The following MYCBP2 variants were observed in gnomAD, a reference collection of about 807,000 sequenced individuals.
MYCBP2 encodes E3 ubiquitin-protein ligase MYCBP2.
A neutral mutation model predicts 525.3 loss-of-function variants in MYCBP2; 120 were observed. The observed-to-expected ratio is 0.23, with a 90% confidence interval of 0.20 to 0.27. MYCBP2 has a LOEUF of 0.27. Among genes scored for constraint, MYCBP2 ranks in the 10% least tolerant of loss-of-function variants. The pLI is 1.00. For synonymous variants in MYCBP2, 1,894 were observed against 1,955.8 expected (o/e 0.97, Z 0.83); for missense variants, 4,149 against 5,657.1 (o/e 0.73, Z 8.55).
intron 28 of MYCBP2, among the ~76,000 whole-genome samples, 199 bp from the exon 29 acceptor site, chr13:77,190,534 G>A (rs1395564462): frequency 6.6e-6 from 1 of 152,152 alleles, no homozygotes; most frequent in African/African-American, 2.4e-5. Context: ...AACGTGATTA[G>A]GACTCCTAAA....
rs2063389527 is a variant in MYCBP2 at position 77,206,765 on chromosome 13, A to G, written c.3477T>C (p.Leu1159=). ...CYNAVVADAR[L]PSAADMQSRC... ...TGGACTGCATGTCTGCTGCAGAGGG[A>G]AGCCTGGCATCAGCAACCACCGCAT... Residue 1159 remains leucine (L), a synonymous_variant, in exon 24 of 83, where the codon CTT becomes CTC. Transcript: ENST00000544440. The G allele has an allele frequency of 6.2e-7, 1 of 1,611,202 alleles. No individual in the cohort carries two copies. The highest frequency in any genetic ancestry group is 8.5e-7 in the Non-Finnish European group (1 of 1,178,272).
intron 68 of MYCBP2, among the ~76,000 whole-genome samples, chr13:77,072,581 GGAAAATCAAT>G (rs2041571544): frequency 6.6e-6 from 1 of 151,870 alleles, no homozygotes; most frequent in Non-Finnish European, 1.5e-5. Context: ...CAAAAATAGA[GGAAAATCAAT>G]GAAACAAAAA....
At chr13:77,155,330 A>G (rs1489258211) in intron 46 of MYCBP2, among the ~76,000 whole-genome samples, 1 of 152,150 alleles carries the variant, frequency 6.6e-6, no homozygotes, top group African/African-American at 2.4e-5. Flanking sequence ...AGCAAAAAGG[A>G]TTTTGTGGCT....
At chr13:77,191,235 T>C (rs1214373139) in intron 28 of MYCBP2, among the ~76,000 whole-genome samples, 1 of 152,240 alleles carries the variant, frequency 6.6e-6, no homozygotes, top group Non-Finnish European at 1.5e-5. Context: ...ACGTGAAAGT[T>C]ATTTTAAAAC....
At position 77,176,493 on chromosome 13, in the gene MYCBP2, C is replaced by T. The variant is rs2059717647; in HGVS notation, c.5472+4G>A. On this transcript the variant is annotated splice_donor_region_variant and intron_variant, in intron 36 of 82. Transcript: ENST00000544440. ...TCACAATAGAAACATTCAGTTGAAA[C>T]TACCTTTAAAGGAACCACTTTGTCA... 1.3e-6 allele frequency: 2 copies of T among 1,572,960 alleles called. No individual in the cohort carries two copies. Among genetic ancestry groups the T allele is most frequent in the Admixed American group, 1.7e-5 (1 of 57,934 alleles).
chr13:77,053,160 T>C (rs2154058144), intron 80 of MYCBP2, among the ~76,000 whole-genome samples: 1 of 151,718 alleles, frequency 6.6e-6, no homozygotes, highest in East Asian at 1.9e-4. Context: ...AAGGCAAATT[T>C]GATAATTCTG....
intron 75 of MYCBP2, 150 bp from the exon 76 acceptor site, chr13:77,061,451 C>T (rs2154072339): frequency 2.2e-6 from 2 of 901,958 alleles, no homozygotes; most frequent in East Asian, 2.8e-5. Flanking sequence ...TTAATCTTCA[C>T]AGCAGTCCCT....
chr13:77,068,974 A>G, intron 69 of MYCBP2, 143 bp from the exon 70 acceptor site: 2 of 746,478 alleles, frequency 2.7e-6, no homozygotes, highest in South Asian at 1.8e-5. Flanking sequence ...ATTCTCCATC[A>G]TATGTCATTC....
At chr13:77,188,911 A>G in intron 30 of MYCBP2, 40 bp downstream of exon 30, 1 of 1,354,842 alleles carries the variant, frequency 7.4e-7, no homozygotes, top group South Asian at 1.3e-5. Context: ...GTATCTGAGG[A>G]CTGAAGAGAA....
intron 51 of MYCBP2, among the ~76,000 whole-genome samples, chr13:77,139,597 T>A (rs1316220845): frequency 2.0e-5 from 3 of 152,196 alleles, no homozygotes; most frequent in Non-Finnish European, 4.4e-5. Context: ...CACTTTAAGA[T>A]ACATAAACAG....
rs1350704432 is a variant in MYCBP2 at position 77,257,656 on chromosome 13, G to C, written c.2176+15C>G. 6.5e-7 allele frequency: 1 copy of C among 1,527,210 alleles called. No homozygotes were observed. Among genetic ancestry groups the C allele is most frequent in the South Asian group, 1.3e-5 (1 of 74,206 alleles). 94.6% of individuals were successfully genotyped at this position (1,527,210 alleles called of 1,614,324 possible). A position where few individuals can be genotyped will look rare whatever the true frequency, so the allele number is the denominator to read the frequency against. ...AGACAACACAAATTTTAATATCTAA[G>C]AATTAAAGACCTACCTTTCCCACCT... On this transcript the variant is annotated intron_variant, in intron 14 of 82. Coordinates refer to ENST00000544440, the MANE Select transcript of MYCBP2 (RefSeq NM_015057.5).
chr13:77,298,535 G>T (rs576353157), intron 1 of MYCBP2, among the ~76,000 whole-genome samples: 1 of 152,204 alleles, frequency 6.6e-6, no homozygotes, highest in Non-Finnish European at 1.5e-5. Context: ...TATTTTAAGA[G>T]AAAGAGAAAG....
chr13:77,175,667 T>C (rs2154238981), intron 36 of MYCBP2, among the ~76,000 whole-genome samples: 1 of 152,282 alleles, frequency 6.6e-6, no homozygotes, highest in African/African-American at 2.4e-5. Flanking sequence ...TGCCAAATAT[T>C]GTTAGGAAAT....
chr13:77,133,078 C>T (rs1488153723), intron 52 of MYCBP2, among the ~76,000 whole-genome samples: 1 of 152,106 alleles, frequency 6.6e-6, no homozygotes, highest in Non-Finnish European at 1.5e-5. Context: ...ATTATTACAG[C>T]TATAGTTGCT....
intron 52 of MYCBP2, among the ~76,000 whole-genome samples, chr13:77,134,489 G>C: frequency 6.6e-6 from 1 of 152,002 alleles, no homozygotes; most frequent in East Asian, 1.9e-4. Context: ...AGCCAAGATC[G>C]TGCCACTGAA....
Position 77,233,347 on chromosome 13 carries a change from A to G in MYCBP2, c.2630-84T>C, listed in dbSNP as rs1050875078. 7 of 1,113,958 alleles carry G rather than the reference A, an allele frequency of 6.3e-6. No homozygotes were observed. The African/African-American group carries it at 1.1e-4, about 18-fold the overall frequency. 69.0% of individuals were successfully genotyped at this position (1,113,958 alleles called of 1,614,324 possible). A position where few individuals can be genotyped will look rare whatever the true frequency, so the allele number is the denominator to read the frequency against. On this transcript the variant is annotated intron_variant, in intron 17 of 82. Coordinates refer to ENST00000544440, the MANE Select transcript of MYCBP2 (RefSeq NM_015057.5). ...GAACAAAAAATAATTCAAACTAAAA[A>G]GCATAAAAATTTATTCTTAACGGTT...
rs142162370 is a variant in MYCBP2 at position 77,050,207 on chromosome 13, C to T, written c.13921+790G>A. 5.0e-3 allele frequency among the ~76,000 whole-genome samples: 767 copies of T among 152,238 alleles called. 7 individuals carry two copies. Among genetic ancestry groups the T allele is most frequent in the African/African-American group, 0.018 (739 of 41,530 alleles). On this transcript the variant is annotated intron_variant, in intron 82 of 82. Coordinates refer to ENST00000544440, the MANE Select transcript of MYCBP2 (RefSeq NM_015057.5). The stretch of plus-strand genomic sequence containing the variant: ...TTGATACGCTGGTAATTTTGAGAGG[C>T]ACTATTAAGCTGTTTTCCGGAGAGG...
chr13:77,077,464 C>G, intron 66 of MYCBP2, 77 bp from the exon 67 acceptor site: 1 of 1,530,892 alleles, frequency 6.5e-7, no homozygotes, highest in Admixed American at 1.8e-5. Context: ...AGCATTGATA[C>G]CAGCAAGCTC....
At chr13:77,323,150 T>C (rs758252723) in intron 1 of MYCBP2, among the ~76,000 whole-genome samples, 1 of 152,206 alleles carries the variant, frequency 6.6e-6, no homozygotes, top group African/African-American at 2.4e-5. Flanking sequence ...ATTCTACATA[T>C]TTAAAAAACT....
Sources: gnomAD v4.1 joint callset for allele counts (sites outside exome capture counted in the v4.1 genomes callset) on GRCh38, gnomAD v4.1.1 for gene constraint, MANE v1.5 for transcripts, NCBI Gene and HGNC (gene_info 2026-07-23, HGNC 2026-07-21) for gene names.